Variants in DNAH17 observed in about 807,000 individuals in gnomAD.
The protein encoded by DNAH17 is dynein axonemal heavy chain 17.
Under a neutral mutation model 485.6 loss-of-function variants are expected in DNAH17, and 376 were observed. The ratio of observed to expected loss-of-function variants is 0.77; its 90% CI spans 0.71 to 0.84. The LOEUF is 0.84. Among genes scored for constraint, DNAH17 ranks in the 40% least tolerant of loss-of-function variants. The pLI, the probability that DNAH17 is intolerant of heterozygous loss-of-function variation, is 0.00. For missense variants in DNAH17, 6,370 were observed against 5,839.3 expected (o/e 1.09, Z -2.96); for synonymous variants, 3,031 against 2,405.9 (o/e 1.26, Z -7.60).
In DNAH17 at chr17:78,552,936, G is replaced by C. The variant is rs946157780; in HGVS notation, c.2179-131C>G. ...TGTGTCCCCACTCAGGTCTCATGTT[G>C]AATTGTAATCCCCAGTGTTGGAGGT... is the stretch of plus-strand genomic sequence containing the variant. On this transcript the variant is annotated intron_variant, in intron 14 of 80. Coordinates refer to ENST00000389840, the MANE Select transcript of DNAH17 (RefSeq NM_173628.4). The C allele has an allele frequency of 4.4e-6, 3 of 674,768 alleles. No individual in the cohort carries two copies. In the Admixed American group the frequency reaches 6.7e-5, roughly 15 times the overall value. The allele number at this position is 674,768 out of a possible 1,614,324, so 41.8% of individuals were successfully genotyped here.
chr17:78,570,856 C>CAAA (rs60897530), intron 6 of DNAH17, 92 bp downstream of exon 6: 3,196 of 289,564 alleles, frequency 0.011, 12 homozygotes, highest in African/African-American at 0.028. Context: ...GACTCCCTCT[C>CAAA]AAAAAAAAAA....
intron 74 of DNAH17, among the ~76,000 whole-genome samples, chr17:78,436,144 T>C (rs922249781): frequency 6.6e-6 from 1 of 152,184 alleles, no homozygotes; most frequent in Non-Finnish European, 1.5e-5. Flanking sequence ...TACAGGGTGT[T>C]GGCCGGGCGT....
At chr17:78,463,562 A>G (rs1016389619) in intron 56 of DNAH17, among the ~76,000 whole-genome samples, 6 of 152,214 alleles carry the variant, frequency 3.9e-5, no homozygotes, top group Non-Finnish European at 7.3e-5. Flanking sequence ...ACCTGCACAT[A>G]TACACATGCA....
intron 18 of DNAH17, among the ~76,000 whole-genome samples, chr17:78,538,716 G>A (rs999937381): frequency 3.3e-5 from 5 of 152,154 alleles, no homozygotes. Context: ...GCTTTCACTG[G>A]GACAGTCTGT....
chr17:78,436,559 G>C (rs1395326778), intron 74 of DNAH17, among the ~76,000 whole-genome samples: 1 of 152,032 alleles, frequency 6.6e-6, no homozygotes, highest in Non-Finnish European at 1.5e-5. Context: ...ATGAGGACCT[G>C]CAGAGGCAGG....
intron 1 of DNAH17, among the ~76,000 whole-genome samples, chr17:78,575,431 G>A (rs1413024436): frequency 1.3e-5 from 2 of 152,226 alleles, no homozygotes; most frequent in African/African-American, 2.4e-5. Context: ...AGGGGATGGG[G>A]TAGGAAAAGG....
At chr17:78,475,610 C>T in intron 53 of DNAH17, 59 bp downstream of exon 53, 1 of 1,605,202 alleles carries the variant, frequency 6.2e-7, no homozygotes, top group Non-Finnish European at 8.5e-7. Context: ...GATAATGCAA[C>T]CGGAGAGGGT....
chr17:78,435,063 G>A (rs1333558072), intron 74 of DNAH17, among the ~76,000 whole-genome samples: 3 of 152,174 alleles, frequency 2.0e-5, no homozygotes, highest in Non-Finnish European at 2.9e-5. Context: ...GGAGCAGCTG[G>A]GGTTCCATCA....
In DNAH17 at chr17:78,492,668, C is replaced by T; in HGVS notation, c.6506G>A (p.Gly2169Asp). ...PKAVTCDELF[G>D]IINPVTREWK... ...TTCCCTGGTCACTGGGTTGATGATG[C>T]CAAAGAGCTCGTCGCAGGTGACGGC... The change falls in exon 42 of 81, where the codon GGC becomes GAC. Residue 2169 changes from glycine to aspartate, a missense_variant. By Grantham distance (94) the Gly-to-Asp change is moderately conservative. Transcript: ENST00000389840. The T allele has an allele frequency of 6.2e-7, 1 of 1,613,704 alleles. No individual in the cohort carries two copies. Among genetic ancestry groups the T allele is most frequent in the Non-Finnish European group, 8.5e-7 (1 of 1,179,802 alleles).
intron 57 of DNAH17, 40 bp from the exon 58 acceptor site, chr17:78,461,748 C>T (rs1485347887): frequency 1.3e-6 from 2 of 1,582,220 alleles, no homozygotes; most frequent in African/African-American, 1.3e-5. Context: ...GTGTGGGCCG[C>T]AGCCGACACA....
At chr17:78,520,154 A>T (rs1466108598) in intron 25 of DNAH17, among the ~76,000 whole-genome samples, 4 of 152,232 alleles carry the variant, frequency 2.6e-5, no homozygotes, top group African/African-American at 9.6e-5. Flanking sequence ...TAGCAGACTA[A>T]ACAAAAATCA....
chr17:78,490,564 G>A, intron 44 of DNAH17, 135 bp downstream of exon 44: 6 of 1,286,810 alleles, frequency 4.7e-6, no homozygotes, highest in Non-Finnish European at 6.4e-6. Flanking sequence ...TCACTGCTGT[G>A]ACACTGGTGC....
At chr17:78,455,922 A>G in intron 62 of DNAH17, 86 bp from the exon 63 acceptor site, 2 of 1,175,992 alleles carry the variant, frequency 1.7e-6, no homozygotes, top group Non-Finnish European at 2.3e-6. Context: ...ACCTCTGTGA[A>G]TCTTCAGAGT....
At chr17:78,497,164 G>GA (rs1555675411) in intron 37 of DNAH17, 7 of 152,176 alleles carry the variant, frequency 4.6e-5, no homozygotes, top group South Asian at 2.1e-4. Context: ...AGACAGTCTT[G>GA]AAGGCCAACT....
intron 16 of DNAH17, among the ~76,000 whole-genome samples, chr17:78,544,800 C>CAA (rs55669221): frequency 0.07 from 3,261 of 46,380 alleles, 471 homozygotes; most frequent in Middle Eastern, 0.17. Context: ...GACTCAGTCT[C>CAA]AAAAAAAAAA....
chr17:78,568,832 C>T (rs1374045865), intron 9 of DNAH17, among the ~76,000 whole-genome samples: 1 of 152,198 alleles, frequency 6.6e-6, no homozygotes, highest in African/African-American at 2.4e-5. Context: ...TCATAAGTCT[C>T]CATTTGTAAT....
At chr17:78,478,748 A>T in intron 51 of DNAH17, 1 of 407,960 alleles carries the variant, frequency 2.5e-6, no homozygotes, top group South Asian at 4.7e-5. Flanking sequence ...CATCACCATC[A>T]CCACCATCAC....
In DNAH17 at chr17:78,466,771, C is replaced by T. The variant is rs745620985; in HGVS notation, c.8824G>A (p.Ala2942Thr). 6.2e-7 allele frequency: 1 copy of T among 1,608,284 alleles called. No homozygotes were observed. The highest frequency in any genetic ancestry group is 8.5e-7 in the Non-Finnish European group (1 of 1,177,548). Residue 2942 changes from alanine to threonine, a missense_variant, in exon 56 of 81, where the codon GCC becomes ACC. By Grantham distance (58) the Ala-to-Thr change is moderately conservative. Transcript: ENST00000389840. ...SPVGSVLRVRARKFPAVVNCT... is the reference protein window; with the variant it reads ...SPVGSVLRVRTRKFPAVVNCT... ...TTGACCACAGCTGGGAACTTTCTGGCTCGTACCCGCAGCACGGAGCCCACA... is the reference window on the plus strand; with the variant it reads ...TTGACCACAGCTGGGAACTTTCTGGTTCGTACCCGCAGCACGGAGCCCACA...
intron 65 of DNAH17, among the ~76,000 whole-genome samples, chr17:78,452,194 G>A (rs746812640): frequency 6.7e-5 from 10 of 148,278 alleles, no homozygotes; most frequent in Non-Finnish European, 1.3e-4. Context: ...TCTGCATATT[G>A]ATTTGCCACC....
Sources: allele counts gnomAD v4.1 joint callset (sites outside exome capture counted in the v4.1 genomes callset), GRCh38; gene constraint gnomAD v4.1.1; transcripts MANE v1.5; gene names NCBI Gene and HGNC (gene_info 2026-07-23, HGNC 2026-07-21).